Variants in AATK observed in about 807,000 individuals in gnomAD.
AATK encodes the protein lemur tail kinase 1, also known as serine/threonine-protein kinase LMTK1.
Under a neutral mutation model 114.3 loss-of-function variants are expected in AATK, and 91 were observed. The ratio of observed to expected loss-of-function variants is 0.80; its 90% CI spans 0.67 to 0.95. The LOEUF (loss-of-function observed/expected upper bound fraction) is 0.95. AATK is among the 40% of genes least tolerant of loss of function. The probability of loss-of-function intolerance (pLI) is 0.00; values close to 1 mark genes in which losing one functional copy is unlikely to be tolerated. For missense variants in AATK, 2,176 were observed against 1,965.2 expected (o/e 1.11, Z -2.03); for synonymous variants, 1,075 against 916.5 (o/e 1.17, Z -3.12).
At chr17:81,146,169 A>G (rs1405194749) in intron 1 of AATK, among the ~76,000 whole-genome samples, 1 of 150,088 alleles carries the variant, frequency 6.7e-6, no homozygotes, top group Non-Finnish European at 1.5e-5. Flanking sequence ...AGCCTAGGCA[A>G]GAGAGCGAGA....
rs1395596850 is a variant in AATK at position 81,143,928 on chromosome 17, TC to T, written c.56-9428del. ...CTGAGGTTCCAAGGCTCCCAGCCAT[TC>T]CCCCCACAACAGCAGGTGCACCCAG... is the stretch of plus-strand genomic sequence containing the variant. On this transcript the variant is annotated intron_variant, in intron 1 of 13. Coordinates refer to ENST00000326724, the MANE Select transcript of AATK (RefSeq NM_001080395.3). Among the ~76,000 whole-genome samples, 3 of 152,044 alleles carry T rather than the reference TC, an allele frequency of 2.0e-5. No individual in the cohort carries two copies. The East Asian group carries it at 5.8e-4, about 29-fold the overall frequency.
rs766484037 is a variant in AATK at position 81,121,367 on chromosome 17, T to C, written c.2569A>G (p.Ser857Gly). ...SSSSPEVEAP[S>G]SEDEDTAEAT... ...TCGGCCGTGTCCTCATCCTCACTGC[T>C]GGGTGCCTCCACCTCGGGAGAGCTG... is the stretch of plus-strand genomic sequence containing the variant. Residue 857 changes from serine (S) to glycine (G), a missense_variant, in exon 11 of 14, where the codon AGC becomes GGC. Physicochemically the swap from Ser to Gly is moderately conservative, Grantham distance 56. Coordinates refer to ENST00000326724, the MANE Select transcript of AATK (RefSeq NM_001080395.3). 11 of 1,611,738 alleles carry C rather than the reference T, an allele frequency of 6.8e-6. No homozygotes were observed. The highest frequency in any genetic ancestry group is 3.3e-5 in the Admixed American group (2 of 59,924).
chr17:81,125,526 T>C (rs975264121), intron 7 of AATK, among the ~76,000 whole-genome samples: 23 of 152,138 alleles, frequency 1.5e-4, no homozygotes, highest in Admixed American at 7.9e-4. Context: ...GAGCCACCAC[T>C]GGCCCCAGGG....
chr17:81,121,682 G>T lies in AATK; in HGVS notation c.2254C>A (p.Gln752Lys). 1 of 1,501,476 alleles carries T rather than the reference G, an allele frequency of 6.7e-7. No individual in the cohort carries two copies. The highest frequency in any genetic ancestry group is 8.9e-7 in the Non-Finnish European group (1 of 1,129,844). 93.0% of individuals were successfully genotyped at this position (1,501,476 alleles called of 1,614,324 possible). Reference protein sequence around the residue: ...CPGLPHLCSAQGLAPAPCLVT... With the variant: ...CPGLPHLCSAKGLAPAPCLVT... ...AGGCAGGGAGCAGGTGCCAGGCCCTGGGCAGAGCATAGATGAGGGAGGCCG... is the reference window on the plus strand; with the variant it reads ...AGGCAGGGAGCAGGTGCCAGGCCCTTGGCAGAGCATAGATGAGGGAGGCCG... Residue 752 changes from glutamine (Q) to lysine (K), a missense_variant, in exon 11 of 14, where the codon CAG (glutamine) becomes AAG (lysine). By Grantham distance (53) the Gln-to-Lys change is moderately conservative. Coordinates refer to ENST00000326724, the MANE Select transcript of AATK (RefSeq NM_001080395.3).
At chr17:81,159,139 G>A (rs1229649565) in intron 1 of AATK, among the ~76,000 whole-genome samples, 2 of 152,220 alleles carry the variant, frequency 1.3e-5, no homozygotes, top group African/African-American at 4.8e-5. Context: ...GCCGTGCCAT[G>A]GCTGCACTCT....
At chr17:81,130,223 CTG>C (rs1378201842) in intron 3 of AATK, among the ~76,000 whole-genome samples, 1 of 152,218 alleles carries the variant, frequency 6.6e-6, no homozygotes, top group Non-Finnish European at 1.5e-5. Context: ...CCTCCTGCCT[CTG>C]TGTTCCCAGA....
intron 1 of AATK, among the ~76,000 whole-genome samples, chr17:81,138,348 TACCC>T (rs1054267173): frequency 1.2e-5 from 1 of 85,378 alleles, no homozygotes; most frequent in African/African-American, 4.7e-5. Context: ...CACCCACACA[TACCC>T]ACGCACACAC....
At chr17:81,141,937 TTCCTTCCTTCC>T (rs1201231581) in intron 1 of AATK, among the ~76,000 whole-genome samples, 1 of 54,290 alleles carries the variant, frequency 1.8e-5, no homozygotes, top group African/African-American at 6.4e-5. Flanking sequence ...CCTTCCTTCC[TTCCTTCCTTCC>T]TTCCTTTCCT....
In AATK at chr17:81,122,577, G is replaced by A. The variant is rs2060713747; in HGVS notation, c.1359C>T (p.Phe453=). ...CGTCCGCGTGGAAGCCGTCGCCCGC[G>A]AACTGCTCCAGCAGCGGGAAGGACG... ...AASSFPLLEQ[F]AGDGFHADGD... is the part of the protein sequence containing the mutation. Residue 453 remains phenylalanine, a synonymous_variant, in exon 11 of 14, where the codon TTC becomes TTT. Transcript: ENST00000326724. 3 of 1,458,518 alleles carry A rather than the reference G, an allele frequency of 2.1e-6. No homozygotes were observed. Among genetic ancestry groups the A allele is most frequent in the Non-Finnish European group, 2.7e-6 (3 of 1,098,326 alleles). 90.3% of individuals were successfully genotyped at this position (1,458,518 alleles called of 1,614,324 possible).
chr17:81,145,951 G>T (rs1159527908), intron 1 of AATK, among the ~76,000 whole-genome samples: 1 of 152,002 alleles, frequency 6.6e-6, no homozygotes, highest in Non-Finnish European at 1.5e-5. Context: ...ACTTTGGGAG[G>T]CCGAGGCAGG....
At chr17:81,162,518 G>A (rs921116948) in intron 1 of AATK, among the ~76,000 whole-genome samples, 1 of 152,134 alleles carries the variant, frequency 6.6e-6, no homozygotes, top group Non-Finnish European at 1.5e-5. Flanking sequence ...GACTCCCGGG[G>A]ACCACCCAGG....
At chr17:81,119,692 C>T in intron 12 of AATK, 112 bp from the exon 13 acceptor site, 3 of 803,962 alleles carry the variant, frequency 3.7e-6, no homozygotes, top group Non-Finnish European at 5.0e-6. Flanking sequence ...CGGGCCCAGG[C>T]CCCGCCTCCC....
chr17:81,143,193 C>T (rs1055071452), intron 1 of AATK, among the ~76,000 whole-genome samples: 13 of 152,106 alleles, frequency 8.5e-5, no homozygotes, highest in East Asian at 3.9e-4. Context: ...ACACCTGGCT[C>T]GATGAGCCCC....
In AATK at chr17:81,122,697, G is replaced by A; in HGVS notation, c.1239C>T (p.Arg413=). Residue 413 remains arginine, a synonymous_variant, in exon 11 of 14, where the codon CGC becomes CGT. Transcript: ENST00000326724. ...ATEAEEEFER[R]WRSLRPGGGG... is the part of the protein sequence containing the mutation. ...CCCCGCCGGGCCGCAGAGAGCGCCA[G>A]CGCCGTTCAAACTCCTCCTCTGCTT... 1 of 1,562,358 alleles carries A rather than the reference G, an allele frequency of 6.4e-7. No homozygotes were observed. Among genetic ancestry groups the A allele is most frequent in the Non-Finnish European group, 8.7e-7 (1 of 1,153,834 alleles).
At chr17:81,150,001 T>C (rs576105753) in intron 1 of AATK, among the ~76,000 whole-genome samples, 62 of 152,168 alleles carry the variant, frequency 4.1e-4, no homozygotes, top group African/African-American at 1.3e-3. Context: ...GTGGGACCAC[T>C]GCGGACCAGC....
At chr17:81,148,546 G>A (rs1056567731) in intron 1 of AATK, among the ~76,000 whole-genome samples, 2 of 152,260 alleles carry the variant, frequency 1.3e-5, no homozygotes, top group Admixed American at 1.3e-4. Context: ...TGGACTTGAA[G>A]CCACACATGG....
At chr17:81,162,590 C>T (rs977913271) in intron 1 of AATK, among the ~76,000 whole-genome samples, 10 of 152,198 alleles carry the variant, frequency 6.6e-5, no homozygotes, top group Non-Finnish European at 1.3e-4. Flanking sequence ...GCCACTGAGG[C>T]CATGCCTGGC....
In AATK at chr17:81,122,042, C is replaced by T. The variant is rs767093144; in HGVS notation, c.1894G>A (p.Ala632Thr). Residue 632 changes from alanine to threonine, a missense_variant, in exon 11 of 14, where the codon GCC becomes ACC. Ala to Thr is a moderately conservative substitution (Grantham distance 58). Transcript: ENST00000326724. ...TCGAAGAAGGCAGGACAGAAGGCGG[C>T]CACGCCCCAGTCTGCATCCTCCGCT... ...GGAEDADWGV[A>T]AFCPAFFEDP... 3.1e-6 allele frequency: 5 copies of T among 1,597,938 alleles called. No individual in the cohort carries two copies. The highest frequency in any genetic ancestry group is 1.1e-5 in the South Asian group (1 of 90,752).
chr17:81,126,695 C>T lies in AATK; in HGVS notation c.622-135G>A, dbSNP rs2060832011. ...GCAGCTGCCCAGAGCAGCCTCGTGC[C>T]CTGCACAGTGGCCAGCACCCAGCAG... On this transcript the variant is annotated intron_variant, in intron 6 of 13. Transcript: ENST00000326724. This position sits in a 1 kb window ranked among gnomAD's most constrained non-coding sequence, Gnocchi z 5.1. The T allele has an allele frequency of 6.3e-6, 9 of 1,438,224 alleles. No homozygotes were observed. The highest frequency in any genetic ancestry group is 3.7e-6 in the Non-Finnish European group (4 of 1,095,848). The allele number at this position is 1,438,224 out of a possible 1,614,324, so 89.1% of individuals were successfully genotyped here.
Sources: allele counts gnomAD v4.1 joint callset (sites outside exome capture counted in the v4.1 genomes callset), GRCh38; gene constraint gnomAD v4.1.1; non-coding constraint Gnocchi (gnomAD v3.1); transcripts MANE v1.5; gene names NCBI Gene and HGNC (gene_info 2026-07-23, HGNC 2026-07-21).